Variants in CNMD observed in about 807,000 individuals in gnomAD.
The protein encoded by CNMD is chondromodulin, also known as leukocyte cell-derived chemotaxin 1.
A neutral mutation model predicts 37.5 loss-of-function variants in CNMD; 30 were observed. The observed-to-expected ratio is 0.80, with a 90% CI of 0.60 to 1.09. CNMD has a LOEUF of 1.09. Ranked by LOEUF, CNMD falls within the 50% of genes least tolerant of loss-of-function variation. The pLI, the probability that CNMD is intolerant of heterozygous loss-of-function variation, is 0.00. For missense variants in CNMD, 398 were observed against 423.9 expected (o/e 0.94, Z 0.54); for synonymous variants, 167 against 148.2 (o/e 1.13, Z -0.92).
chr13:52,705,805 C>T (rs185759561), intron 6 of CNMD, among the ~76,000 whole-genome samples: 10 of 152,134 alleles, frequency 6.6e-5, no homozygotes. Context: ...AAGGCAAAGT[C>T]ATATCCTGCC....
chr13:52,716,833 T>C (rs954862752), intron 4 of CNMD, among the ~76,000 whole-genome samples: 4 of 152,202 alleles, frequency 2.6e-5, no homozygotes, highest in African/African-American at 9.7e-5. Context: ...TTATACGGGC[T>C]CTTTTTTGGT....
At chr13:52,729,028 C>T (rs1964621032) in intron 3 of CNMD, among the ~76,000 whole-genome samples, 1 of 152,166 alleles carries the variant, frequency 6.6e-6, no homozygotes, top group Admixed American at 6.5e-5. Flanking sequence ...AAGAAATTTG[C>T]TAGCAAGGGT....
chr13:52,739,483 G>T lies in CNMD; in HGVS notation c.72+147C>A. On this transcript the variant is annotated intron_variant, in intron 1 of 6. Coordinates refer to ENST00000377962, the MANE Select transcript of CNMD (RefSeq NM_007015.3). This position sits in a 1 kb window ranked among gnomAD's most constrained non-coding sequence, Gnocchi z 5.4. The stretch of plus-strand genomic sequence containing the variant: ...TGACCCCTGCACACTCATACGCGTG[G>T]GGCGACATCCCACCCACACATTTGG... 1 of 760,588 alleles carries T rather than the reference G, an allele frequency of 1.3e-6. No individual in the cohort carries two copies. The highest frequency in any genetic ancestry group is 2.2e-6 in the Non-Finnish European group (1 of 447,428). 47.1% of individuals were successfully genotyped at this position (760,588 alleles called of 1,614,324 possible). A position where few individuals can be genotyped will look rare whatever the true frequency, so the allele number is the denominator to read the frequency against.
intron 4 of CNMD, among the ~76,000 whole-genome samples, chr13:52,722,696 AGG>A (rs1474234005): frequency 6.6e-6 from 1 of 152,246 alleles, no homozygotes; most frequent in African/African-American, 2.4e-5. Flanking sequence ...ATTAAAAGTA[AGG>A]TATTACTGTT....
intron 3 of CNMD, among the ~76,000 whole-genome samples, chr13:52,726,375 T>C (rs1298767340): frequency 6.6e-6 from 1 of 152,206 alleles, no homozygotes; most frequent in Admixed American, 6.5e-5. Flanking sequence ...AGTTTCTTTT[T>C]ATCAGTGGTT....
At chr13:52,731,187 G>A (rs899216871) in intron 3 of CNMD, among the ~76,000 whole-genome samples, 5 of 152,160 alleles carry the variant, frequency 3.3e-5, no homozygotes, top group Admixed American at 1.3e-4. Context: ...CAGGAAGGAT[G>A]TTCCCTCTCT....
chr13:52,722,959 T>C (rs1292429739), intron 4 of CNMD, among the ~76,000 whole-genome samples: 2 of 152,196 alleles, frequency 1.3e-5, no homozygotes, highest in East Asian at 3.9e-4. Context: ...TCAGTGATGC[T>C]GGCTGGTGTT....
intron 3 of CNMD, among the ~76,000 whole-genome samples, chr13:52,730,083 T>C (rs1964639763): frequency 6.6e-6 from 1 of 151,966 alleles, no homozygotes; most frequent in Admixed American, 6.6e-5. Context: ...TTTGCTTTTT[T>C]GTCCTTGCGA....
At chr13:52,704,827 C>T (rs907518338) in intron 6 of CNMD, among the ~76,000 whole-genome samples, 1 of 152,074 alleles carries the variant, frequency 6.6e-6, no homozygotes, top group Non-Finnish European at 1.5e-5. Flanking sequence ...TTTGGGAGGC[C>T]AAGGTGGGTG....
rs1254047667 is a variant in CNMD, at chr13:52,727,053, G to A, written c.355-2943C>T. ...GGCCAAGGTGAGTGGATCGCCTGAG[G>A]TCAGGAGTTCGAGACCAGCCTGGCC... On this transcript the variant is annotated intron_variant, in intron 3 of 6. Transcript: ENST00000377962. Among the ~76,000 whole-genome samples the A allele has an allele frequency of 2.6e-5, 4 of 151,834 alleles. No individual in the cohort carries two copies. The East Asian group carries it at 7.8e-4, about 29-fold the overall frequency.
At chr13:52,704,095 A>G (rs762210324) in intron 6 of CNMD, among the ~76,000 whole-genome samples, 1 of 152,206 alleles carries the variant, frequency 6.6e-6, no homozygotes, top group Non-Finnish European at 1.5e-5. Flanking sequence ...TTAATGAACT[A>G]TGGTTACCAC....
intron 4 of CNMD, among the ~76,000 whole-genome samples, chr13:52,717,803 C>CT (rs899522365): frequency 6.6e-6 from 1 of 152,020 alleles, no homozygotes; most frequent in Admixed American, 6.6e-5. Flanking sequence ...CTGAAATTTT[C>CT]TTTTTTTGTT....
At chr13:52,710,366 C>G (rs1369808943) in intron 5 of CNMD, among the ~76,000 whole-genome samples, 1 of 152,180 alleles carries the variant, frequency 6.6e-6, no homozygotes, top group Non-Finnish European at 1.5e-5. Flanking sequence ...GTAGTTACCC[C>G]AACAGTTGTT....
At chr13:52,720,513 G>A (rs1278129479) in intron 4 of CNMD, among the ~76,000 whole-genome samples, 4 of 152,120 alleles carry the variant, frequency 2.6e-5, no homozygotes, top group Non-Finnish European at 4.4e-5. Flanking sequence ...TGTTGATGTT[G>A]ATGCTATTCC....
At chr13:52,729,349 TA>T (rs966614841) in intron 3 of CNMD, among the ~76,000 whole-genome samples, 4 of 152,202 alleles carry the variant, frequency 2.6e-5, no homozygotes, top group African/African-American at 9.7e-5. Flanking sequence ...AACCTGTTTG[TA>T]AATATCAGTG....
chr13:52,739,266 G>T lies in CNMD; in HGVS notation c.73-95C>A. The T allele has an allele frequency of 7.4e-7, 1 of 1,356,786 alleles. No individual in the cohort carries two copies. Among genetic ancestry groups the T allele is most frequent in the Non-Finnish European group, 9.6e-7 (1 of 1,039,356 alleles). The allele number at this position is 1,356,786 out of a possible 1,614,324, so 84.0% of individuals were successfully genotyped here. On this transcript the variant is annotated intron_variant, in intron 1 of 6. Coordinates refer to ENST00000377962, the MANE Select transcript of CNMD (RefSeq NM_007015.3). The surrounding 1 kb of genome is among the most constrained non-coding windows in gnomAD (Gnocchi z 5.4). ...GGCCCCACGCGGTAGCCCCCAGGGA[G>T]TGGGGAGTCGGGCGGGAAACAGCTC...
chr13:52,707,435 T>A (rs1386217788), intron 6 of CNMD, among the ~76,000 whole-genome samples: 1 of 150,246 alleles, frequency 6.7e-6, no homozygotes, highest in Non-Finnish European at 1.5e-5. Flanking sequence ...CTCACAAACA[T>A]CACTTTTCAG....
In CNMD at chr13:52,708,735, T is replaced by C. The variant is rs765222299; in HGVS notation, c.623-33A>G. On this transcript the variant is annotated intron_variant, in intron 5 of 6. Coordinates refer to ENST00000377962, the MANE Select transcript of CNMD (RefSeq NM_007015.3). ...AATTTCTGTAAATTAATCCCTTTAT[T>C]TGAATAATTAAGGAAATTAGATCTG... The C allele has an allele frequency of 3.3e-6, 5 of 1,507,144 alleles. No individual in the cohort carries two copies. In the South Asian group the frequency reaches 5.0e-5, roughly 15 times the overall value. The allele number at this position is 1,507,144 out of a possible 1,614,324, so 93.4% of individuals were successfully genotyped here.
intron 4 of CNMD, among the ~76,000 whole-genome samples, chr13:52,713,335 C>G (rs1000553767): frequency 3.9e-5 from 6 of 152,120 alleles, no homozygotes; most frequent in African/African-American, 4.8e-5. Context: ...GTCTTCAGTT[C>G]AAAGTATTAT....
Sources: allele counts gnomAD v4.1 joint callset (sites outside exome capture counted in the v4.1 genomes callset), GRCh38; gene constraint gnomAD v4.1.1; non-coding constraint Gnocchi (gnomAD v3.1); transcripts MANE v1.5; gene names NCBI Gene and HGNC (gene_info 2026-07-23, HGNC 2026-07-21).